The following SLC4A10 variants were observed in gnomAD, a reference collection of about 807,000 sequenced individuals.
SLC4A10 encodes sodium-driven chloride bicarbonate exchanger.
SLC4A10 carries 42 observed loss-of-function variants against 137.7 expected under a neutral mutation model. That is an observed-to-expected ratio of 0.30 (90% CI 0.24 to 0.39). The LOEUF is 0.39. Ranked by LOEUF, SLC4A10 falls within the 10% of genes least tolerant of loss-of-function variation. SLC4A10 has a pLI of 1.00. For missense variants in SLC4A10, 925 were observed against 1,355.0 expected, an observed-to-expected ratio of 0.68 and a Z score of 4.98; for synonymous variants, 474 against 464.1, an observed-to-expected ratio of 1.02 and a Z score of -0.27.
intron 1 of SLC4A10, among the ~76,000 whole-genome samples, chr2:161,721,380 G>A (rs896683974): frequency 6.6e-6 from 1 of 152,184 alleles, no homozygotes; most frequent in Non-Finnish European, 1.5e-5. Context: ...GGCAGGCCAG[G>A]TGGTGACAAA....
intron 23 of SLC4A10, among the ~76,000 whole-genome samples, chr2:161,971,498 G>A (rs578093150): frequency 1.3e-5 from 2 of 152,272 alleles, no homozygotes; most frequent in Non-Finnish European, 1.5e-5. Context: ...TGGGTCCTAT[G>A]TAAATTAAGA....
chr2:161,851,552 A>T (rs1358199778), intron 4 of SLC4A10, among the ~76,000 whole-genome samples: 4 of 152,176 alleles, frequency 2.6e-5, no homozygotes, highest in Non-Finnish European at 4.4e-5. Flanking sequence ...GCATTCTTAA[A>T]ATTTAAAATT....
In SLC4A10 at chr2:161,827,374, T is replaced by C. The variant is rs866170418; in HGVS notation, c.278-12415T>C. Among the ~76,000 whole-genome samples the C allele has an allele frequency of 3.3e-5, 5 of 152,208 alleles. No homozygotes were observed. The South Asian group carries it at 8.3e-4, about 25-fold the overall frequency. ...TCCCTTAGTCACCTCAAAGTTAGCATATGCAAAACTTATCTTTGGAGCACC... is the reference window on the plus strand; with the variant it reads ...TCCCTTAGTCACCTCAAAGTTAGCACATGCAAAACTTATCTTTGGAGCACC... On this transcript the variant is annotated intron_variant, in intron 3 of 26. Coordinates refer to ENST00000446997, the MANE Select transcript of SLC4A10 (RefSeq NM_001178015.2).
intron 1 of SLC4A10, among the ~76,000 whole-genome samples, chr2:161,762,373 T>G (rs1184275221): frequency 6.6e-6 from 1 of 152,138 alleles, no homozygotes; most frequent in East Asian, 1.9e-4. Flanking sequence ...TCAATTCAGT[T>G]AGTATTTAAA....
At chr2:161,839,419 T>C (rs982611268) in intron 3 of SLC4A10, among the ~76,000 whole-genome samples, 2 of 152,118 alleles carry the variant, frequency 1.3e-5, no homozygotes, top group African/African-American at 4.8e-5. Context: ...CTTCTGAATA[T>C]TACCCATAAA....
chr2:161,770,419 A>G (rs2051443301), intron 1 of SLC4A10, among the ~76,000 whole-genome samples: 1 of 151,848 alleles, frequency 6.6e-6, no homozygotes, highest in South Asian at 2.1e-4. Flanking sequence ...ACATGATCAT[A>G]ATTTACTCTT....
At chr2:161,724,490 T>A (rs1364221757) in intron 1 of SLC4A10, among the ~76,000 whole-genome samples, 1 of 152,212 alleles carries the variant, frequency 6.6e-6, no homozygotes, top group African/African-American at 2.4e-5. Flanking sequence ...CTATTATTTC[T>A]TAAATGCTGG....
intron 4 of SLC4A10, among the ~76,000 whole-genome samples, chr2:161,843,689 A>C (rs1029734598): frequency 1.3e-5 from 2 of 152,278 alleles, no homozygotes; most frequent in East Asian, 1.9e-4. Context: ...TCATGACTCC[A>C]TCTGATTTTT....
chr2:161,804,830 G>A (rs2055757891), intron 3 of SLC4A10, among the ~76,000 whole-genome samples: 1 of 152,062 alleles, frequency 6.6e-6, no homozygotes, highest in African/African-American at 2.4e-5. Context: ...ATACAATTGA[G>A]TAAAGCTCAA....
At chr2:161,881,151 T>C (rs931364754) in intron 9 of SLC4A10, among the ~76,000 whole-genome samples, 2 of 152,044 alleles carry the variant, frequency 1.3e-5, no homozygotes, top group Non-Finnish European at 2.9e-5. Flanking sequence ...ATTATCCTTT[T>C]TTTGGGAAGA....
chr2:161,804,585 A>T lies in SLC4A10; in HGVS notation c.267A>T (p.Ser89=), dbSNP rs1191451165. Residue 89 remains serine (S), a synonymous_variant, in exon 3 of 27, where the codon TCA becomes TCT. Transcript: ENST00000446997. The part of the protein sequence containing the change: ...RDSGLEDGRE[S]PSFDTPSQRV... ...CAGGATTAGAGGATGGAAGGGAGTC[A>T]CCTTCTTTTGGTAAGAATCCTTCTC... 1 of 1,609,266 alleles carries T rather than the reference A, an allele frequency of 6.2e-7. No homozygotes were observed. Among genetic ancestry groups the T allele is most frequent in the East Asian group, 2.2e-5 (1 of 44,682 alleles).
chr2:161,799,049 G>A (rs1367039623), intron 2 of SLC4A10, among the ~76,000 whole-genome samples: 2 of 151,216 alleles, frequency 1.3e-5, no homozygotes, highest in South Asian at 2.1e-4. Context: ...TTCTTTTAAT[G>A]ATACTGTTCC....
At chr2:161,859,301 T>TTTTCTTTTCTTTTC (rs748143219) in intron 5 of SLC4A10, among the ~76,000 whole-genome samples, 4 of 54,482 alleles carry the variant, frequency 7.3e-5, no homozygotes, top group Admixed American at 1.6e-4. Flanking sequence ...CTTTTCTTTT[T>TTTTCTTTTCTTTTC]TTTTTTTTTA....
chr2:161,679,962 C>T (rs1331540103), intron 1 of SLC4A10, among the ~76,000 whole-genome samples: 1 of 151,996 alleles, frequency 6.6e-6, no homozygotes, highest in Non-Finnish European at 1.5e-5. Flanking sequence ...ACCTTGCCAC[C>T]TCTCCCAAGT....
intron 19 of SLC4A10, among the ~76,000 whole-genome samples, chr2:161,956,138 C>T (rs893013372): frequency 1.3e-5 from 2 of 152,150 alleles, no homozygotes; most frequent in African/African-American, 4.8e-5. Flanking sequence ...TAGTACCTAA[C>T]ATTTTCTGAT....
At chr2:161,786,804 G>A (rs2053675918) in intron 2 of SLC4A10, among the ~76,000 whole-genome samples, 2 of 151,020 alleles carry the variant, frequency 1.3e-5, no homozygotes, top group Admixed American at 1.3e-4. Flanking sequence ...ACATAAAAGA[G>A]TATACTCTTT....
intron 12 of SLC4A10, among the ~76,000 whole-genome samples, chr2:161,903,083 A>G (rs1575557728): frequency 6.6e-6 from 1 of 152,298 alleles, no homozygotes; most frequent in South Asian, 2.1e-4. Flanking sequence ...TTGTTATTAA[A>G]TGTTCATAAA....
chr2:161,907,161 A>T (rs541558630), intron 15 of SLC4A10, among the ~76,000 whole-genome samples: 64 of 152,242 alleles, frequency 4.2e-4, no homozygotes, highest in African/African-American at 1.4e-3. Context: ...AGATAACTTT[A>T]AACAACTGAC....
intron 1 of SLC4A10, among the ~76,000 whole-genome samples, chr2:161,656,801 A>G (rs2037599242): frequency 6.6e-6 from 1 of 152,146 alleles, no homozygotes. Flanking sequence ...TGTTTTATAA[A>G]TAGATAGCTA....
Sources: allele counts gnomAD v4.1 joint callset (sites outside exome capture counted in the v4.1 genomes callset), GRCh38; gene constraint gnomAD v4.1.1; transcripts MANE v1.5; gene names NCBI Gene and HGNC (gene_info 2026-07-23, HGNC 2026-07-21).